DNAJC6: variants seen among roughly 807,000 people sequenced by gnomAD.
DNAJC6 encodes the protein auxilin.
DNAJC6 carries 34 observed loss-of-function variants against 110.0 expected under a neutral mutation model. The observed-to-expected ratio is 0.31, with a 90% CI of 0.24 to 0.41. The LOEUF is 0.41. Ranked by LOEUF, DNAJC6 falls within the 10% of genes least tolerant of loss-of-function variation. The pLI, the probability that DNAJC6 is intolerant of heterozygous loss-of-function variation, is 1.00. For missense variants in DNAJC6, 1,031 were observed against 1,207.8 expected, an observed-to-expected ratio of 0.85 and a Z score of 2.17; for synonymous variants, 406 against 437.2, an observed-to-expected ratio of 0.93 and a Z score of 0.89.
intron 1 of DNAJC6, among the ~76,000 whole-genome samples, chr1:65,340,196 C>T (rs540747259): frequency 6.6e-6 from 1 of 152,308 alleles, no homozygotes; most frequent in Admixed American, 6.5e-5. Context: ...TCCCAAATGC[C>T]TGGACCCTTG....
intron 1 of DNAJC6, among the ~76,000 whole-genome samples, chr1:65,295,092 T>C (rs1429596983): frequency 6.6e-6 from 1 of 152,246 alleles, no homozygotes; most frequent in Non-Finnish European, 1.5e-5. Context: ...GCTACAGTGA[T>C]GCAGGCATTG....
At chr1:65,348,701 T>A (rs536256675) in intron 1 of DNAJC6, among the ~76,000 whole-genome samples, 50 of 151,786 alleles carry the variant, frequency 3.3e-4, no homozygotes, top group African/African-American at 9.4e-4. Flanking sequence ...GTGTTTTTTT[T>A]ATGCAGTCTG....
At chr1:65,393,905 G>T (rs571388469) in intron 12 of DNAJC6, among the ~76,000 whole-genome samples, 6 of 152,168 alleles carry the variant, frequency 3.9e-5, no homozygotes, top group East Asian at 1.9e-4. Context: ...ATGAGTGTGG[G>T]TCTCAGAATT....
intron 4 of DNAJC6, among the ~76,000 whole-genome samples, chr1:65,367,861 AGAG>A (rs1645663939): frequency 7.5e-6 from 1 of 133,758 alleles, no homozygotes; most frequent in Non-Finnish European, 1.5e-5. Context: ...TTGCCCTAGA[AGAG>A]GAGGGAGCAT....
chr1:65,392,954 A>C (rs936040252), intron 12 of DNAJC6, 89 bp downstream of exon 12: 2 of 1,256,638 alleles, frequency 1.6e-6, no homozygotes, highest in Non-Finnish European at 2.1e-6. Flanking sequence ...CTAATAAGCT[A>C]GACTTTTCTG....
At chr1:65,311,158 T>G (rs929203501) in intron 1 of DNAJC6, among the ~76,000 whole-genome samples, 2 of 151,194 alleles carry the variant, frequency 1.3e-5, no homozygotes, top group Non-Finnish European at 2.9e-5. Flanking sequence ...GGACATTCTC[T>G]TAGACCATTT....
intron 11 of DNAJC6, among the ~76,000 whole-genome samples, chr1:65,389,852 A>G (rs552762549): frequency 4.6e-5 from 7 of 152,160 alleles, no homozygotes; most frequent in South Asian, 2.1e-4. Flanking sequence ...CTCAACAAAA[A>G]ATTTTAAAAA....
At chr1:65,393,809 G>A (rs1219823589) in intron 12 of DNAJC6, among the ~76,000 whole-genome samples, 1 of 152,134 alleles carries the variant, frequency 6.6e-6, no homozygotes, top group African/African-American at 2.4e-5. Flanking sequence ...GTATCCTATA[G>A]GAACATTTTT....
chr1:65,264,863 A>G, exon 1 of DNAJC6: 1 of 1,611,544 alleles, frequency 6.2e-7, no homozygotes, highest in Non-Finnish European at 8.5e-7. Flanking sequence ...GGGTTGCAGA[A>G]TCAGCCGGAC....
chr1:65,385,380 T>G (rs1645861369), intron 6 of DNAJC6, among the ~76,000 whole-genome samples: 1 of 152,170 alleles, frequency 6.6e-6, no homozygotes, highest in African/African-American at 2.4e-5. Context: ...ATTCTAAAAT[T>G]TATCCAAAGC....
chr1:65,363,471 C>T (rs1645617121), intron 1 of DNAJC6, among the ~76,000 whole-genome samples: 1 of 152,102 alleles, frequency 6.6e-6, no homozygotes, highest in Non-Finnish European at 1.5e-5. Flanking sequence ...TGGAGAATAT[C>T]ACATTGACAG....
Position 65,379,622 on chromosome 1 carries a change from G to A in DNAJC6, c.666+98G>A, listed in dbSNP as rs1264054959. On this transcript the variant is annotated intron_variant, in intron 5 of 18. Transcript: ENST00000371069. ...GACAGGTAACATTTGAGTTCAATAG[G>A]ATTTACTGAGCCCATATTTAGGAAT... 4.1e-6 allele frequency: 6 copies of A among 1,467,864 alleles called. No individual in the cohort carries two copies. The East Asian group carries it at 1.2e-4, about 29-fold the overall frequency. 90.9% of individuals were successfully genotyped at this position (1,467,864 alleles called of 1,614,324 possible).
intron 1 of DNAJC6, among the ~76,000 whole-genome samples, chr1:65,343,851 G>C (rs1645412189): frequency 1.3e-5 from 2 of 152,168 alleles, no homozygotes; most frequent in South Asian, 4.1e-4. Flanking sequence ...CGCTAGTTGT[G>C]CCATTACATC....
intron 11 of DNAJC6, among the ~76,000 whole-genome samples, chr1:65,390,641 G>T (rs1570363673): frequency 6.6e-6 from 1 of 152,314 alleles, no homozygotes; most frequent in African/African-American, 2.4e-5. Context: ...TGGGAAACTG[G>T]CTATGGTATG....
At chr1:65,368,740 C>CTT in intron 4 of DNAJC6, among the ~76,000 whole-genome samples, 1 of 76 alleles carries the variant, frequency 0.013, no homozygotes, top group African/African-American at 0.1. Context: ...TCTTCTTCCC[C>CTT]CTCCCCTCCC....
intron 1 of DNAJC6, among the ~76,000 whole-genome samples, chr1:65,293,666 G>T (rs527257669): frequency 6.6e-6 from 1 of 152,192 alleles, no homozygotes; most frequent in Admixed American, 6.5e-5. Context: ...AGCCATTTTT[G>T]CAAACATTTT....
At chr1:65,377,401 A>G (rs1436393577) in intron 4 of DNAJC6, among the ~76,000 whole-genome samples, 3 of 152,204 alleles carry the variant, frequency 2.0e-5, no homozygotes, top group Non-Finnish European at 4.4e-5. Context: ...GGGAATATAT[A>G]TGTGGGTAAA....
chr1:65,329,712 A>G (rs776791593), intron 1 of DNAJC6, among the ~76,000 whole-genome samples: 6 of 152,172 alleles, frequency 3.9e-5, no homozygotes, highest in Non-Finnish European at 7.4e-5. Flanking sequence ...GATCTGTTTT[A>G]ATTTCCTGAT....
intron 11 of DNAJC6, among the ~76,000 whole-genome samples, chr1:65,390,326 A>T (rs1292366051): frequency 1.3e-5 from 2 of 152,228 alleles, no homozygotes; most frequent in African/African-American, 2.4e-5. Flanking sequence ...AGGGAGCCTT[A>T]ACCACTAGCA....
Sources: gnomAD v4.1 joint callset for allele counts (sites outside exome capture counted in the v4.1 genomes callset) on GRCh38, gnomAD v4.1.1 for gene constraint, MANE v1.5 for transcripts, NCBI Gene and HGNC (gene_info 2026-07-23, HGNC 2026-07-21) for gene names.